Variants in CACNA2D4 observed in about 807,000 individuals in gnomAD.
CACNA2D4 encodes the protein voltage-dependent calcium channel subunit alpha-2/delta-4.
In CACNA2D4, 157 loss-of-function variants were observed where a neutral mutation model predicts 163.8. That is an observed-to-expected ratio of 0.96 (90% confidence interval 0.84 to 1.09). The LOEUF (loss-of-function observed/expected upper bound fraction) is 1.09, where lower values mean the gene tolerates loss of function less well. Among genes scored for constraint, CACNA2D4 ranks in the 50% least tolerant of loss-of-function variants. The probability of loss-of-function intolerance (pLI) is 0.00; values close to 1 mark genes in which losing one functional copy is unlikely to be tolerated. For missense variants in CACNA2D4, 1,410 were observed against 1,479.9 expected (o/e 0.95, Z 0.78); for synonymous variants, 598 against 586.9 (o/e 1.02, Z -0.27).
intron 37 of CACNA2D4, among the ~76,000 whole-genome samples, chr12:1,794,565 G>A (rs1462058558): frequency 1.3e-5 from 2 of 152,156 alleles, no homozygotes; most frequent in Admixed American, 6.5e-5. Flanking sequence ...GTTCCCATGA[G>A]CCTGTCTCAG....
intron 26 of CACNA2D4, among the ~76,000 whole-genome samples, chr12:1,825,688 G>A (rs1306115057): frequency 6.6e-6 from 1 of 152,218 alleles, no homozygotes; most frequent in East Asian, 1.9e-4. Flanking sequence ...ATCACGTGCT[G>A]TGTACAGAGC....
intron 26 of CACNA2D4, chr12:1,836,124 A>G (rs1237402152): frequency 1.3e-5 from 2 of 152,282 alleles, no homozygotes; most frequent in African/African-American, 4.8e-5. Context: ...GGCTCCCTAG[A>G]GCACCCAGCC....
At chr12:1,836,068 G>T (rs1343948873) in intron 26 of CACNA2D4, 2 of 152,266 alleles carry the variant, frequency 1.3e-5, no homozygotes, top group East Asian at 3.9e-4. Context: ...CTGCCCAGAG[G>T]CTCCCAGGAT....
At chr12:1,860,949 T>TC (rs1189642934) in intron 18 of CACNA2D4, among the ~76,000 whole-genome samples, 1 of 152,190 alleles carries the variant, frequency 6.6e-6, no homozygotes, top group African/African-American at 2.4e-5. Context: ...TTACTTCACT[T>TC]CGAGTTCTCA....
At chr12:1,910,404 G>A (rs1387420410) in intron 3 of CACNA2D4, among the ~76,000 whole-genome samples, 1 of 152,236 alleles carries the variant, frequency 6.6e-6, no homozygotes, top group Non-Finnish European at 1.5e-5. Context: ...CTATGGACTT[G>A]GGGATAATGG....
In CACNA2D4 at chr12:1,883,126, C is replaced by T. The variant is rs1422760311; in HGVS notation, c.1352-126G>A. The T allele has an allele frequency of 4.6e-6, 5 of 1,094,926 alleles. No homozygotes were observed. In the East Asian group the frequency reaches 1.3e-4, roughly 29 times the overall value. The allele number at this position is 1,094,926 out of a possible 1,614,324, so 67.8% of individuals were successfully genotyped here. A position where few individuals can be genotyped will look rare whatever the true frequency, so the allele number is the denominator to read the frequency against. ...ATACTCTCTGGAAACTGGACCGGGGCACAGGGAGCTGCTTCCCCACAGTTG... is the reference window on the plus strand; with the variant it reads ...ATACTCTCTGGAAACTGGACCGGGGTACAGGGAGCTGCTTCCCCACAGTTG... On this transcript the variant is annotated intron_variant, in intron 12 of 37. Transcript: ENST00000382722. The surrounding 1 kb of genome is among the most constrained non-coding windows in gnomAD (Gnocchi z 4.5).
intron 1 of CACNA2D4, among the ~76,000 whole-genome samples, chr12:1,916,514 G>A (rs1866984075): frequency 6.6e-6 from 1 of 152,168 alleles, no homozygotes; most frequent in African/African-American, 2.4e-5. Context: ...AGAGTGTGCA[G>A]CGTGAGATCT....
rs777306274 is a variant in CACNA2D4, at chr12:1,828,016, C to T, written c.2551+12723G>A. ...AGAGACACCCGGGCCCTCTCCCTAA[C>T]CCCTGGGCTGGAACGGGGCTCCCGC... On this transcript the variant is annotated intron_variant, in intron 26 of 37. Coordinates refer to ENST00000382722, the MANE Select transcript of CACNA2D4 (RefSeq NM_172364.5). The surrounding 1 kb of genome is among the most constrained non-coding windows in gnomAD (Gnocchi z 4.2). 8 of 715,914 alleles carry T rather than the reference C, an allele frequency of 1.1e-5. No homozygotes were observed. The highest frequency in any genetic ancestry group is 1.5e-5 in the Non-Finnish European group (7 of 468,152). 44.3% of individuals were successfully genotyped at this position (715,914 alleles called of 1,614,324 possible). A position where few individuals can be genotyped will look rare whatever the true frequency, so the allele number is the denominator to read the frequency against.
At chr12:1,852,199 A>C (rs1729396464) in intron 23 of CACNA2D4, among the ~76,000 whole-genome samples, 1 of 152,032 alleles carries the variant, frequency 6.6e-6, no homozygotes. Flanking sequence ...TTTCTTTCCA[A>C]TTCTAATTGC....
At chr12:1,812,451 C>T (rs1364773606) in intron 26 of CACNA2D4, among the ~76,000 whole-genome samples, 1 of 152,186 alleles carries the variant, frequency 6.6e-6, no homozygotes, top group Admixed American at 6.5e-5. Flanking sequence ...GGACAAAGAG[C>T]TCCAGGAAAA....
intron 24 of CACNA2D4, 98 bp downstream of exon 24, chr12:1,846,496 C>T (rs1365497256): frequency 1.0e-6 from 1 of 963,104 alleles, no homozygotes; most frequent in Non-Finnish European, 1.6e-6. Flanking sequence ...TGCTGGAGAC[C>T]CGGTGCCAGT....
chr12:1,822,350 G>T (rs1378274842), intron 26 of CACNA2D4, among the ~76,000 whole-genome samples: 1 of 152,110 alleles, frequency 6.6e-6, no homozygotes, highest in African/African-American at 2.4e-5. Flanking sequence ...GGGAGTTCTG[G>T]GGGTGGGCAG....
intron 23 of CACNA2D4, among the ~76,000 whole-genome samples, chr12:1,852,487 T>C (rs780694089): frequency 1.3e-5 from 2 of 152,260 alleles, no homozygotes; most frequent in African/African-American, 2.4e-5. Context: ...CTGAGCAACA[T>C]AGAGAGACCC....
intron 1 of CACNA2D4, among the ~76,000 whole-genome samples, chr12:1,915,490 C>G (rs73595522): frequency 0.01 from 1,542 of 152,292 alleles, 25 homozygotes; most frequent in African/African-American, 0.034. Context: ...ACAGCTGTGG[C>G]CTCTCAATAA....
rs1864727244 is a variant in CACNA2D4, at chr12:1,833,630, C to G, written c.2551+7109G>C. 1.3e-5 allele frequency among the ~76,000 whole-genome samples: 2 copies of G among 152,182 alleles called. No homozygotes were observed. The highest frequency in any genetic ancestry group is 4.8e-5 in the African/African-American group (2 of 41,426). ...CACCGATGGGGCCATTGGATTGCTC[C>G]TAAGGAGGAGAAGGAGAACATTCCT... On this transcript the variant is annotated intron_variant, in intron 26 of 37. Coordinates refer to ENST00000382722, the MANE Select transcript of CACNA2D4 (RefSeq NM_172364.5). The surrounding 1 kb of genome is among the most constrained non-coding windows in gnomAD (Gnocchi z 4.2).
At chr12:1,863,911 T>C (rs564610202) in intron 18 of CACNA2D4, among the ~76,000 whole-genome samples, 14 of 140,272 alleles carry the variant, frequency 1.0e-4, no homozygotes, top group African/African-American at 3.4e-4. Flanking sequence ...AAAAAAAAAA[T>C]AATAACACCC....
chr12:1,865,591 T>C (rs1865632195), intron 18 of CACNA2D4, among the ~76,000 whole-genome samples: 1 of 152,238 alleles, frequency 6.6e-6, no homozygotes, highest in Non-Finnish European at 1.5e-5. Context: ...AAGCTGGCCA[T>C]TACGCAGGCT....
Position 1,793,585 on chromosome 12 carries a change from G to T in CACNA2D4, c.*70C>A. The T allele has an allele frequency of 7.3e-7, 1 of 1,365,904 alleles. No homozygotes were observed. The highest frequency in any genetic ancestry group is 1.0e-6 in the Non-Finnish European group (1 of 955,944). 84.6% of individuals were successfully genotyped at this position (1,365,904 alleles called of 1,614,324 possible). A position where few individuals can be genotyped will look rare whatever the true frequency, so the allele number is the denominator to read the frequency against. On this transcript the variant is annotated 3_prime_UTR_variant, in exon 38 of 38. Transcript: ENST00000382722. ...CCAACTGCAGTTAGCTGCATCCCATGTCAGTGCTGACTTTTTGGGATGGCT... is the reference window on the plus strand; with the variant it reads ...CCAACTGCAGTTAGCTGCATCCCATTTCAGTGCTGACTTTTTGGGATGGCT...
At chr12:1,804,961 C>T (rs1222395244) in intron 29 of CACNA2D4, among the ~76,000 whole-genome samples, 2 of 152,250 alleles carry the variant, frequency 1.3e-5, no homozygotes, top group East Asian at 1.9e-4. Flanking sequence ...AAATCCCCGA[C>T]TCAAATACAG....
Sources: allele counts gnomAD v4.1 joint callset (sites outside exome capture counted in the v4.1 genomes callset), GRCh38; gene constraint gnomAD v4.1.1; non-coding constraint Gnocchi (gnomAD v3.1); transcripts MANE v1.5; gene names NCBI Gene and HGNC (gene_info 2026-07-23, HGNC 2026-07-21).